Variants in CACNA1S observed in about 807,000 individuals in gnomAD.
CACNA1S encodes calcium voltage-gated channel subunit alpha1 S, also known as voltage-dependent L-type calcium channel subunit alpha-1S.
A neutral mutation model predicts 207.4 loss-of-function variants in CACNA1S; 126 were observed. The ratio of observed to expected loss-of-function variants is 0.61; its 90% CI spans 0.53 to 0.70. The LOEUF (loss-of-function observed/expected upper bound fraction) is 0.70. CACNA1S is among the 30% of genes least tolerant of loss of function. CACNA1S has a pLI of 0.00. For missense variants in CACNA1S, 2,349 were observed against 2,422.8 expected (o/e 0.97, Z 0.64); for synonymous variants, 960 against 932.7 (o/e 1.03, Z -0.53).
In CACNA1S at chr1:201,066,006, T is replaced by A; in HGVS notation, c.2746-61A>T. On this transcript the variant is annotated intron_variant, in intron 21 of 43. Coordinates refer to ENST00000362061, the MANE Select transcript of CACNA1S (RefSeq NM_000069.3). The surrounding 1 kb of genome is among the most constrained non-coding windows in gnomAD (Gnocchi z 4.3). Reference sequence around the variant, plus strand: ...ACCCACAGTAACCCTGCTAGCCCAGTTGAGGAAACCCCAGGAGTGCAAGAC... The same window carrying A: ...ACCCACAGTAACCCTGCTAGCCCAGATGAGGAAACCCCAGGAGTGCAAGAC... 1 of 1,254,920 alleles carries A rather than the reference T, an allele frequency of 8.0e-7. No individual in the cohort carries two copies. The allele number at this position is 1,254,920 out of a possible 1,614,324, so 77.7% of individuals were successfully genotyped here.
intron 28 of CACNA1S, among the ~76,000 whole-genome samples, chr1:201,055,037 C>T (rs556908331): frequency 2.6e-5 from 4 of 152,302 alleles, no homozygotes; most frequent in African/African-American, 9.6e-5. Context: ...CTGGGGGAGT[C>T]TGAAATCCCC....
At chr1:201,063,302 T>C (rs1034983626) in intron 22 of CACNA1S, among the ~76,000 whole-genome samples, 4 of 146,494 alleles carry the variant, frequency 2.7e-5, no homozygotes, top group African/African-American at 1.0e-4. Flanking sequence ...GGCTAGGTCT[T>C]TTTTTTTTTT....
Position 201,044,466 on chromosome 1 carries a change from A to G in CACNA1S, c.4669-10T>C, listed in dbSNP as rs1660406851. 6.2e-7 allele frequency: 1 copy of G among 1,611,384 alleles called. No homozygotes were observed. The highest frequency in any genetic ancestry group is 1.7e-5 in the Admixed American group (1 of 59,990). On this transcript the variant is annotated splice_polypyrimidine_tract_variant and intron_variant, in intron 38 of 43. Transcript: ENST00000362061. ...TGGTCCGCAGCCCTGCCTGGGGATG[A>G]CGAAGGGACTCAGTTATCTCTCCAG...
At chr1:201,094,847 C>A (rs1430097514) in intron 2 of CACNA1S, among the ~76,000 whole-genome samples, 3 of 152,130 alleles carry the variant, frequency 2.0e-5, no homozygotes, top group Non-Finnish European at 4.4e-5. Context: ...CAGGACCTGT[C>A]CCCGTAGCCT....
chr1:201,065,897 C>G lies in CACNA1S; in HGVS notation c.2794G>C (p.Val932Leu). Residue 932 changes from valine to leucine, a missense_variant, in exon 22 of 44, where the codon GTG (valine) becomes CTG (leucine). Transcript: ENST00000362061. ...FVAISTIGNI[V>L]LVTTLLQFMF... ...AACTGTAGGAGGGTAGTGACCAGCACGATGTTCCCGATGGTGCTGATGGCC... is the reference window on the plus strand; with the variant it reads ...AACTGTAGGAGGGTAGTGACCAGCAGGATGTTCCCGATGGTGCTGATGGCC... The G allele has an allele frequency of 6.2e-7, 1 of 1,614,066 alleles. No individual in the cohort carries two copies.
At chr1:201,111,493 G>C (rs1376977267) in intron 1 of CACNA1S, among the ~76,000 whole-genome samples, 1 of 152,094 alleles carries the variant, frequency 6.6e-6, no homozygotes, top group African/African-American at 2.4e-5. Flanking sequence ...CCTGTCCCCA[G>C]GGTGGCACGT....
At chr1:201,083,452 G>T in intron 9 of CACNA1S, 130 bp from the exon 10 acceptor site, 1 of 898,138 alleles carries the variant, frequency 1.1e-6, no homozygotes, top group Non-Finnish European at 1.9e-6. Context: ...CATGAGAGAA[G>T]CTCAGGGCAT....
chr1:201,083,015 C>T, intron 10 of CACNA1S, 147 bp downstream of exon 10: 1 of 853,064 alleles, frequency 1.2e-6, no homozygotes, highest in South Asian at 1.5e-5. Context: ...GTCATATAAT[C>T]CAGCACTCAT....
intron 19 of CACNA1S, among the ~76,000 whole-genome samples, chr1:201,067,850 G>C (rs1174203868): frequency 6.6e-6 from 1 of 152,162 alleles, no homozygotes; most frequent in Non-Finnish European, 1.5e-5. Context: ...TTCAATAGTT[G>C]AGGCCCCGAA....
intron 2 of CACNA1S, among the ~76,000 whole-genome samples, chr1:201,100,016 C>A (rs1018819664): frequency 1.3e-5 from 2 of 152,082 alleles, no homozygotes; most frequent in Non-Finnish European, 2.9e-5. Context: ...TGCAGAGGAC[C>A]TATAACCCTG....
In CACNA1S at chr1:201,085,539, G is replaced by T. The variant is rs542505383; in HGVS notation, c.1047C>A (p.Thr349=). Reference sequence around the variant, plus strand: ...GCTGCTTCTCCCGGAGCTTCTGGAAGGTTCCCCTGGACTTGGCCTTCTCCC... The same window carrying T: ...GCTGCTTCTCCCGGAGCTTCTGGAATGTTCCCCTGGACTTGGCCTTCTCCC... ...KEREKAKSRG[T]FQKLREKQQL... The change falls in exon 8 of 44, where the codon ACC becomes ACA. Residue 349 remains threonine, a synonymous_variant. Coordinates refer to ENST00000362061, the MANE Select transcript of CACNA1S (RefSeq NM_000069.3). 1.2e-6 allele frequency: 2 copies of T among 1,613,450 alleles called. No homozygotes were observed. Among genetic ancestry groups the T allele is most frequent in the Admixed American group, 1.7e-5 (1 of 59,894 alleles).
intron 28 of CACNA1S, among the ~76,000 whole-genome samples, chr1:201,058,152 C>A (rs549354980): frequency 6.6e-6 from 1 of 152,230 alleles, no homozygotes; most frequent in Admixed American, 6.5e-5. Context: ...CACCCAGAGA[C>A]GACTTTCCTT....
intron 25 of CACNA1S, 150 bp downstream of exon 25, chr1:201,061,117 A>G: frequency 1.4e-6 from 1 of 708,590 alleles, no homozygotes; most frequent in Non-Finnish European, 2.4e-6. Context: ...GTTTGGAGAT[A>G]GGGTAGGGTG....
intron 18 of CACNA1S, 121 bp from the exon 19 acceptor site, chr1:201,069,317 G>C: frequency 7.1e-7 from 1 of 1,416,186 alleles, no homozygotes; most frequent in Non-Finnish European, 9.9e-7. Flanking sequence ...GTGCCGTTCA[G>C]AAGGAGTGGA....
intron 1 of CACNA1S, 126 bp from the exon 2 acceptor site, chr1:201,110,395 G>A (rs1362210087): frequency 1.0e-5 from 8 of 791,512 alleles, no homozygotes; most frequent in Admixed American, 4.0e-5. Context: ...GCTCATGGAC[G>A]CTCGCCCACG....
At chr1:201,078,939 G>A (rs1242334799) in intron 10 of CACNA1S, among the ~76,000 whole-genome samples, 1 of 151,888 alleles carries the variant, frequency 6.6e-6, no homozygotes, top group Non-Finnish European at 1.5e-5. Context: ...TGACCAACAT[G>A]GTAAAACCCC....
At chr1:201,042,603 T>G (rs1660299640) in intron 40 of CACNA1S, among the ~76,000 whole-genome samples, 1 of 152,190 alleles carries the variant, frequency 6.6e-6, no homozygotes, top group Admixed American at 6.5e-5. Flanking sequence ...GGGCTGAATT[T>G]AAGGGGTCTC....
At chr1:201,054,624 A>T (rs1660772064) in intron 28 of CACNA1S, 63 bp from the exon 29 acceptor site, 1 of 1,349,628 alleles carries the variant, frequency 7.4e-7, no homozygotes, top group African/African-American at 1.5e-5. Context: ...GACATGTGGG[A>T]GGGAGGTGAA....
In CACNA1S at chr1:201,050,408, C is replaced by G. The variant is rs770845107; in HGVS notation, c.4222G>C (p.Glu1408Gln). 6.2e-7 allele frequency: 1 copy of G among 1,614,170 alleles called. No individual in the cohort carries two copies. Among genetic ancestry groups the G allele is most frequent in the South Asian group, 1.1e-5 (1 of 91,080 alleles). Residue 1408 changes from glutamate (E) to glutamine (Q), a missense_variant, in exon 34 of 44, where the codon GAG (glutamate) becomes CAG (glutamine). Coordinates refer to ENST00000362061, the MANE Select transcript of CACNA1S (RefSeq NM_000069.3). ...ACTCACTTAGCCTCTGGGTCATACT[C>G]TGCCCAGATGGCCTTGAACTCATCC... is the stretch of plus-strand genomic sequence containing the variant. Reference protein sequence around the residue: ...HLDEFKAIWAEYDPEAKGRIK... With the variant: ...HLDEFKAIWAQYDPEAKGRIK...
Sources: gnomAD v4.1 joint callset for allele counts (sites outside exome capture counted in the v4.1 genomes callset) on GRCh38, gnomAD v4.1.1 for gene constraint, Gnocchi (gnomAD v3.1) non-coding constraint, MANE v1.5 for transcripts, NCBI Gene and HGNC (gene_info 2026-07-23, HGNC 2026-07-21) for gene names.